Variants in MALRD1 observed in about 807,000 individuals in gnomAD.
MALRD1 encodes the protein MAM and LDL receptor class A domain containing 1.
MALRD1 carries 247 observed loss-of-function variants against 242.1 expected under a neutral mutation model. The observed-to-expected ratio is 1.02, with a 90% CI of 0.92 to 1.13. The LOEUF (loss-of-function observed/expected upper bound fraction) is 1.13. Ranked by LOEUF, MALRD1 falls within the 50% of genes most tolerant of loss-of-function variation. The pLI is 0.00. For synonymous variants in MALRD1, 995 were observed against 866.6 expected, an observed-to-expected ratio of 1.15 and a Z score of -2.60; for missense variants, 2,989 against 2,533.1, an observed-to-expected ratio of 1.18 and a Z score of -3.86.
In MALRD1 at chr10:19,315,940, A is replaced by C. The variant is rs191590646; in HGVS notation, c.3420-8009A>C. Among the ~76,000 whole-genome samples, 614 of 150,054 alleles carry C rather than the reference A, an allele frequency of 4.1e-3. 3 individuals carry two copies. The highest frequency in any genetic ancestry group is 8.9e-3 in the Admixed American group (133 of 14,872). ...AGTATAGTAGTATACTGTTATACTA[A>C]ATTCATATACCTATGAATTTACTCA... On this transcript the variant is annotated intron_variant, in intron 21 of 39. Transcript: ENST00000454679.
At chr10:19,148,742 C>T (rs1833811294) in intron 11 of MALRD1, among the ~76,000 whole-genome samples, 1 of 138,620 alleles carries the variant, frequency 7.2e-6, no homozygotes, top group Non-Finnish European at 1.5e-5. Flanking sequence ...GGGACAAAAA[C>T]GCAGTCTTTC....
At chr10:19,278,829 T>C (rs908563626) in intron 19 of MALRD1, among the ~76,000 whole-genome samples, 2 of 152,124 alleles carry the variant, frequency 1.3e-5, no homozygotes, top group Non-Finnish European at 1.5e-5. Flanking sequence ...AATGCAGATA[T>C]AATAAGCAAA....
At chr10:19,116,658 T>C (rs1160620552) in intron 5 of MALRD1, among the ~76,000 whole-genome samples, 1 of 152,216 alleles carries the variant, frequency 6.6e-6, no homozygotes, top group Admixed American at 6.5e-5. Context: ...TGGCAGGCCC[T>C]AGACATGTGA....
intron 21 of MALRD1, among the ~76,000 whole-genome samples, chr10:19,306,126 T>C (rs541473127): frequency 1.2e-5 from 1 of 82,446 alleles, no homozygotes; most frequent in South Asian, 2.8e-4. Flanking sequence ...CTATCTAGTA[T>C]ATATAGTATA....
At chr10:19,489,421 T>C in intron 29 of MALRD1, 1 of 571,848 alleles carries the variant, frequency 1.7e-6, no homozygotes, top group Non-Finnish European at 3.4e-6. Context: ...TACCATGTCT[T>C]ATCAGTGGTC....
chr10:19,057,205 T>C lies in MALRD1; in HGVS notation c.199+8068T>C, dbSNP rs374861269. 1.7e-4 allele frequency among the ~76,000 whole-genome samples: 26 copies of C among 152,302 alleles called. No individual in the cohort carries two copies. In the South Asian group the frequency reaches 2.7e-3, roughly 16 times the overall value. On this transcript the variant is annotated intron_variant, in intron 1 of 39. Coordinates refer to ENST00000454679, the MANE Select transcript of MALRD1 (RefSeq NM_001142308.3). Reference sequence around the variant, plus strand: ...TCTCATAAAATGACTTTTTACCTATTCAGCCACTCTTTGTCTTTTGATGAA... The same window carrying C: ...TCTCATAAAATGACTTTTTACCTATCCAGCCACTCTTTGTCTTTTGATGAA...
intron 34 of MALRD1, among the ~76,000 whole-genome samples, chr10:19,606,590 G>A (rs73595858): frequency 6.6e-6 from 1 of 152,060 alleles, no homozygotes; most frequent in Admixed American, 6.6e-5. Flanking sequence ...GGTGCAGTAG[G>A]TTCATGCTTT....
intron 1 of MALRD1, among the ~76,000 whole-genome samples, chr10:19,064,490 A>G (rs1340039014): frequency 6.6e-6 from 1 of 151,814 alleles, no homozygotes; most frequent in Non-Finnish European, 1.5e-5. Context: ...TCTGGCAGTT[A>G]TTAGAAGTTC....
chr10:19,405,697 T>A (rs1365648063), intron 28 of MALRD1, among the ~76,000 whole-genome samples: 2 of 152,272 alleles, frequency 1.3e-5, no homozygotes, highest in Middle Eastern at 6.8e-3. Context: ...TATCAAACTT[T>A]CACACATAGA....
At chr10:19,354,627 GTC>G (rs1844542139) in intron 26 of MALRD1, among the ~76,000 whole-genome samples, 1 of 151,770 alleles carries the variant, frequency 6.6e-6, no homozygotes, top group South Asian at 2.1e-4. Flanking sequence ...CGTGATATTT[GTC>G]TCTCTGCCTG....
intron 26 of MALRD1, among the ~76,000 whole-genome samples, chr10:19,355,260 G>A (rs1247530260): frequency 6.6e-6 from 1 of 152,050 alleles, no homozygotes; most frequent in African/African-American, 2.4e-5. Context: ...AAAGGAAATA[G>A]AGCCAAATTG....
In MALRD1 at chr10:19,670,545, C is replaced by T. The variant is rs73595889; in HGVS notation, c.6138-21737C>T. 2.7e-3 allele frequency among the ~76,000 whole-genome samples: 414 copies of T among 152,242 alleles called. 3 individuals carry two copies. Among genetic ancestry groups the T allele is most frequent in the African/African-American group, 9.6e-3 (400 of 41,546 alleles). ...TAAAACAAGAAAAACACAAAACAAC[C>T]CTCACTTGTCCCTACTCCTATTCCA... On this transcript the variant is annotated intron_variant, in intron 36 of 39. Coordinates refer to ENST00000454679, the MANE Select transcript of MALRD1 (RefSeq NM_001142308.3).
intron 4 of MALRD1, among the ~76,000 whole-genome samples, chr10:19,094,922 C>T (rs1359090026): frequency 6.6e-6 from 1 of 152,084 alleles, no homozygotes; most frequent in African/African-American, 2.4e-5. Context: ...AGAATTATTG[C>T]CTATTTTAAC....
intron 1 of MALRD1, among the ~76,000 whole-genome samples, chr10:19,065,313 A>T (rs528495651): frequency 1.4e-5 from 2 of 145,778 alleles, no homozygotes; most frequent in Non-Finnish European, 1.5e-5. Context: ...AAAAAAAGGA[A>T]GAAAGAAAGA....
At chr10:19,253,984 T>G (rs2499075) in intron 18 of MALRD1, among the ~76,000 whole-genome samples, 135,546 of 151,868 alleles carry the variant, frequency 0.89, 60,792 homozygotes, top group East Asian at 1. Flanking sequence ...CCTTTGCTCG[T>G]GTCTCATTCT....
intron 28 of MALRD1, among the ~76,000 whole-genome samples, chr10:19,420,741 C>T (rs539116020): frequency 8.9e-4 from 136 of 152,234 alleles, no homozygotes; most frequent in Middle Eastern, 3.4e-3. Context: ...TTAAAAAATG[C>T]ATTTGACTTA....
intron 28 of MALRD1, among the ~76,000 whole-genome samples, chr10:19,397,260 A>G (rs193045371): frequency 6.6e-6 from 1 of 152,044 alleles, no homozygotes; most frequent in Non-Finnish European, 1.5e-5. Context: ...TCCCCTCCAC[A>G]TTCTCTAGTA....
At chr10:19,310,395 G>C (rs985700207) in intron 21 of MALRD1, among the ~76,000 whole-genome samples, 2 of 151,428 alleles carry the variant, frequency 1.3e-5, no homozygotes, top group African/African-American at 4.8e-5. Flanking sequence ...TGATACATTC[G>C]TGGTGTAAAG....
intron 10 of MALRD1, among the ~76,000 whole-genome samples, chr10:19,139,564 G>T (rs2131421430): frequency 6.6e-6 from 1 of 152,228 alleles, no homozygotes; most frequent in East Asian, 1.9e-4. Flanking sequence ...ATTGTCAGTT[G>T]GTATTCCACA....
Sources: allele counts gnomAD v4.1 joint callset (sites outside exome capture counted in the v4.1 genomes callset), GRCh38; gene constraint gnomAD v4.1.1; transcripts MANE v1.5; gene names NCBI Gene and HGNC (gene_info 2026-07-23, HGNC 2026-07-21).